Variants in ZBTB20 observed in about 807,000 individuals in gnomAD.
ZBTB20 encodes the protein zinc finger and BTB domain containing 20.
In ZBTB20, 9 loss-of-function variants were observed where a neutral mutation model predicts 56.9. The ratio of observed to expected loss-of-function variants is 0.16; its 90% CI spans 0.10 to 0.28. The LOEUF (loss-of-function observed/expected upper bound fraction) is 0.28, where lower values mean the gene tolerates loss of function less well. Ranked by LOEUF, ZBTB20 falls within the 10% of genes least tolerant of loss-of-function variation. The pLI is 1.00. For synonymous variants in ZBTB20, 417 were observed against 420.7 expected (o/e 0.99, Z 0.11); for missense variants, 655 against 1,003.0 (o/e 0.65, Z 4.69).
intron 7 of ZBTB20, among the ~76,000 whole-genome samples, chr3:114,391,916 G>A (rs1409909508): frequency 6.6e-6 from 1 of 152,196 alleles, no homozygotes; most frequent in Non-Finnish European, 1.5e-5. Context: ...CAGATCATCA[G>A]TAATGACAAG....
intron 6 of ZBTB20, among the ~76,000 whole-genome samples, chr3:114,536,740 T>G (rs951671774): frequency 8.5e-5 from 13 of 152,138 alleles, no homozygotes; most frequent in Non-Finnish European, 1.6e-4. Context: ...CTTCAAACTA[T>G]GCTAGAAGGC....
intron 1 of ZBTB20, among the ~76,000 whole-genome samples, chr3:115,141,763 G>A (rs2084817799): frequency 6.6e-6 from 1 of 152,188 alleles, no homozygotes. Flanking sequence ...CTCTGGCAAA[G>A]AAATGACTGT....
At chr3:114,715,752 C>G (rs2064433821) in intron 5 of ZBTB20, among the ~76,000 whole-genome samples, 1 of 152,100 alleles carries the variant, frequency 6.6e-6, no homozygotes, top group African/African-American at 2.4e-5. Context: ...CACTACCCCA[C>G]AACATGCACA....
chr3:114,966,056 C>T (rs1258574532), intron 3 of ZBTB20, among the ~76,000 whole-genome samples: 1 of 152,100 alleles, frequency 6.6e-6, no homozygotes, highest in East Asian at 1.9e-4. Flanking sequence ...GAAAAGAATG[C>T]CATCCAAACT....
At chr3:114,421,719 T>C (rs2089190677) in intron 7 of ZBTB20, among the ~76,000 whole-genome samples, 2 of 152,002 alleles carry the variant, frequency 1.3e-5, no homozygotes, top group South Asian at 4.1e-4. Flanking sequence ...TAGACATACA[T>C]CAGGACACAT....
At chr3:114,690,528 A>G (rs1578361800) in intron 6 of ZBTB20, among the ~76,000 whole-genome samples, 1 of 152,104 alleles carries the variant, frequency 6.6e-6, no homozygotes, top group Admixed American at 6.6e-5. Flanking sequence ...CATCTGTGGA[A>G]CTCTGTGTGT....
intron 4 of ZBTB20, among the ~76,000 whole-genome samples, chr3:114,845,780 A>G (rs553517442): frequency 1.4e-4 from 21 of 152,276 alleles, no homozygotes; most frequent in African/African-American, 5.1e-4. Flanking sequence ...TTATATACAT[A>G]TTTTCTATTA....
intron 7 of ZBTB20, among the ~76,000 whole-genome samples, chr3:114,451,533 TA>T (rs1275768768): frequency 6.6e-6 from 1 of 152,140 alleles, no homozygotes; most frequent in Non-Finnish European, 1.5e-5. Context: ...TGTCTTTAAA[TA>T]AAGCATCAGA....
intron 7 of ZBTB20, among the ~76,000 whole-genome samples, chr3:114,411,886 G>A (rs1214972977): frequency 6.6e-6 from 1 of 152,154 alleles, no homozygotes; most frequent in African/African-American, 2.4e-5. Flanking sequence ...GAGACTGAAT[G>A]TCCAGATGCA....
intron 6 of ZBTB20, among the ~76,000 whole-genome samples, chr3:114,526,068 A>AT (rs1167478717): frequency 6.6e-6 from 1 of 151,798 alleles, no homozygotes; most frequent in Non-Finnish European, 1.5e-5. Context: ...AAATCCCTGC[A>AT]TTTTTTCCAT....
chr3:114,523,527 A>G (rs2046874534), intron 6 of ZBTB20, among the ~76,000 whole-genome samples: 1 of 152,226 alleles, frequency 6.6e-6, no homozygotes, highest in Non-Finnish European at 1.5e-5. Flanking sequence ...AGAAAATTTG[A>G]TAAAACAGAA....
chr3:114,380,689 C>T (rs1042907647), intron 9 of ZBTB20, 88 bp downstream of exon 9: 18 of 1,437,468 alleles, frequency 1.3e-5, no homozygotes, highest in Admixed American at 1.2e-4. Context: ...GCTTGAGCTA[C>T]GTATGGCTGA....
chr3:114,826,634 G>A (rs749812650), intron 4 of ZBTB20, among the ~76,000 whole-genome samples: 20 of 151,558 alleles, frequency 1.3e-4, no homozygotes, highest in Admixed American at 2.6e-4. Flanking sequence ...TTTTTTCAGT[G>A]CACAACGTGA....
chr3:114,544,902 A>G (rs549956107), intron 6 of ZBTB20, among the ~76,000 whole-genome samples: 3 of 152,334 alleles, frequency 2.0e-5, no homozygotes, highest in African/African-American at 7.2e-5. Flanking sequence ...AAAACATGGA[A>G]GATAGTATGT....
chr3:114,850,793 C>A (rs2074961663), intron 4 of ZBTB20, among the ~76,000 whole-genome samples: 1 of 152,138 alleles, frequency 6.6e-6, no homozygotes, highest in Non-Finnish European at 1.5e-5. Context: ...TTAAAATGAT[C>A]TAACCCATGG....
In ZBTB20 at chr3:114,571,006, T is replaced by C. The variant is rs150382558; in HGVS notation, c.-294-70615A>G. Among the ~76,000 whole-genome samples the C allele has an allele frequency of 2.3e-3, 355 of 152,308 alleles. 3 individuals are homozygous for C. The highest frequency in any genetic ancestry group is 4.1e-3 in the Non-Finnish European group (276 of 68,008). On this transcript the variant is annotated intron_variant, in intron 6 of 11. Coordinates refer to ENST00000675478, the MANE Select transcript of ZBTB20 (RefSeq NM_001348800.3). ...TTTCATTTTCTTGCACTTTGGACTT[T>C]TTGTTTTGTTTTTATGAATTTAGTC...
intron 5 of ZBTB20, among the ~76,000 whole-genome samples, chr3:114,728,480 TTTG>T (rs1298454473): frequency 6.6e-6 from 1 of 152,162 alleles, no homozygotes; most frequent in Non-Finnish European, 1.5e-5. Flanking sequence ...GCTTGGAGAA[TTTG>T]TTAACTGCCC....
intron 5 of ZBTB20, among the ~76,000 whole-genome samples, chr3:114,715,598 A>G (rs1423310811): frequency 6.6e-6 from 1 of 152,194 alleles, no homozygotes; most frequent in Non-Finnish European, 1.5e-5. Context: ...CCAACAGGTG[A>G]ACGTTAAAGT....
intron 5 of ZBTB20, among the ~76,000 whole-genome samples, chr3:114,762,992 T>G (rs1448675668): frequency 6.6e-6 from 1 of 152,168 alleles, no homozygotes; most frequent in Non-Finnish European, 1.5e-5. Flanking sequence ...CAAATAAATT[T>G]CACATACATT....
Sources: gnomAD v4.1 joint callset for allele counts (sites outside exome capture counted in the v4.1 genomes callset) on GRCh38, gnomAD v4.1.1 for gene constraint, MANE v1.5 for transcripts, NCBI Gene and HGNC (gene_info 2026-07-23, HGNC 2026-07-21) for gene names.